The following PLCG2 variants were observed in gnomAD, a reference collection of about 807,000 sequenced individuals.
PLCG2 encodes the protein 1-phosphatidylinositol 4,5-bisphosphate phosphodiesterase gamma-2.
PLCG2 carries 69 observed loss-of-function variants against 175.6 expected under a neutral mutation model. That is an observed-to-expected ratio of 0.39 (90% CI 0.32 to 0.48). The LOEUF is 0.48. Ranked by LOEUF, PLCG2 falls within the 20% of genes least tolerant of loss-of-function variation. The probability of loss-of-function intolerance (pLI) is 0.91; values close to 1 mark genes in which losing one functional copy is unlikely to be tolerated. For synonymous variants in PLCG2, 827 were observed against 624.0 expected, an observed-to-expected ratio of 1.33 and a Z score of -4.85; for missense variants, 1,798 against 1,650.9, an observed-to-expected ratio of 1.09 and a Z score of -1.54.
At chr16:81,747,379 A>G (rs1349549421) in intron 1 of PLCG2, among the ~76,000 whole-genome samples, 1 of 152,120 alleles carries the variant, frequency 6.6e-6, no homozygotes, top group Non-Finnish European at 1.5e-5. Context: ...TACTAAAAAT[A>G]CAGAAACTAG....
chr16:81,956,917 G>C, intron 32 of PLCG2, 38 bp downstream of exon 32: 1 of 1,567,158 alleles, frequency 6.4e-7, no homozygotes, highest in Non-Finnish European at 8.8e-7. Flanking sequence ...CTTTTGGGGG[G>C]TCTCTAGGCA....
At chr16:81,944,070 T>C (rs1472360738) in intron 30 of PLCG2, among the ~76,000 whole-genome samples, 1 of 152,190 alleles carries the variant, frequency 6.6e-6, no homozygotes, top group Non-Finnish European at 1.5e-5. Context: ...AAAATATAAA[T>C]TTGTACATTT....
At chr16:81,879,316 C>G (rs1247312634) in intron 7 of PLCG2, among the ~76,000 whole-genome samples, 1 of 152,142 alleles carries the variant, frequency 6.6e-6, no homozygotes, top group Non-Finnish European at 1.5e-5. Context: ...CATGCCCTGT[C>G]TAAAATCTGC....
rs1230666325 is a variant in PLCG2 at position 81,960,855 on chromosome 16, C to A, written c.*2857C>A. ...CAAGGAATACACAGACTCCAGTACT[C>A]TCAGGGGAGCAGTGTTCAGAGCCTC... On this transcript the variant is annotated 3_prime_UTR_variant, in exon 33 of 33. Transcript: ENST00000564138. 1.7e-5 allele frequency: 4 copies of A among 229,960 alleles called. No individual in the cohort carries two copies. In the East Asian group the frequency reaches 2.5e-4, roughly 14 times the overall value. The allele number at this position is 229,960 out of a possible 1,614,324, so 14.2% of individuals were successfully genotyped here. A position where few individuals can be genotyped will look rare whatever the true frequency, so the allele number is the denominator to read the frequency against.
At chr16:81,761,982 C>A (rs1390931739) in intron 2 of PLCG2, among the ~76,000 whole-genome samples, 1 of 151,872 alleles carries the variant, frequency 6.6e-6, no homozygotes, top group African/African-American at 2.4e-5. Flanking sequence ...CAGGCATGCA[C>A]CACCACGCCC....
At chr16:81,832,887 G>C (rs1905323439) in intron 2 of PLCG2, among the ~76,000 whole-genome samples, 1 of 152,214 alleles carries the variant, frequency 6.6e-6, no homozygotes, top group Non-Finnish European at 1.5e-5. Flanking sequence ...CAGATAGGAA[G>C]GTGTCAGCGT....
chr16:81,780,356 C>G (rs1910674414), intron 1 of PLCG2, among the ~76,000 whole-genome samples: 1 of 152,196 alleles, frequency 6.6e-6, no homozygotes, highest in Admixed American at 6.5e-5. Context: ...ACGAGGTTCG[C>G]TGAGAATCGG....
intron 1 of PLCG2, among the ~76,000 whole-genome samples, chr16:81,752,802 G>A (rs978328770): frequency 1.3e-5 from 2 of 152,226 alleles, no homozygotes; most frequent in African/African-American, 2.4e-5. Context: ...GCCTAGCACT[G>A]GGCACCTCCC....
chr16:81,831,275 G>A (rs961399630), intron 2 of PLCG2, among the ~76,000 whole-genome samples: 1 of 152,182 alleles, frequency 6.6e-6, no homozygotes. Flanking sequence ...ATTCATAGCT[G>A]TATCCCCAGC....
chr16:81,749,232 T>C (rs1361925881), intron 1 of PLCG2, among the ~76,000 whole-genome samples: 1 of 152,212 alleles, frequency 6.6e-6, no homozygotes, highest in Non-Finnish European at 1.5e-5. Flanking sequence ...CCCATCTGGG[T>C]TGCTTTTTAA....
At chr16:81,939,625 C>A (rs533437000) in intron 29 of PLCG2, among the ~76,000 whole-genome samples, 1 of 152,296 alleles carries the variant, frequency 6.6e-6, no homozygotes, top group Admixed American at 6.5e-5. Context: ...TCCCCCGTTC[C>A]CTTGTCCCTG....
At chr16:81,848,122 C>T (rs1444780619) in intron 2 of PLCG2, among the ~76,000 whole-genome samples, 1 of 152,124 alleles carries the variant, frequency 6.6e-6, no homozygotes, top group Non-Finnish European at 1.5e-5. Context: ...GTGATGTTGG[C>T]AGAAGAATAG....
intron 2 of PLCG2, among the ~76,000 whole-genome samples, chr16:81,797,156 A>G (rs952524757): frequency 1.3e-5 from 2 of 152,154 alleles, no homozygotes; most frequent in African/African-American, 4.8e-5. Flanking sequence ...TCAAAATAGC[A>G]CCAAGTTCTG....
intron 3 of PLCG2, among the ~76,000 whole-genome samples, chr16:81,856,274 C>G (rs758234983): frequency 2.0e-5 from 3 of 152,160 alleles, no homozygotes; most frequent in Non-Finnish European, 4.4e-5. Flanking sequence ...GGAGAGGCTT[C>G]ATAGTTCCAT....
intron 2 of PLCG2, among the ~76,000 whole-genome samples, chr16:81,787,454 C>G: frequency 7.8e-6 from 1 of 128,134 alleles, no homozygotes; most frequent in South Asian, 2.4e-4. Flanking sequence ...TCTCCAATTC[C>G]TGTGCTCAAG....
chr16:81,808,358 C>T (rs767777159), intron 2 of PLCG2, among the ~76,000 whole-genome samples: 18 of 152,082 alleles, frequency 1.2e-4, no homozygotes, highest in Admixed American at 2.0e-4. Flanking sequence ...TCAGAATGTC[C>T]AGGGCACCCT....
In PLCG2 at chr16:81,875,027, G is replaced by A. The variant is rs191931570; in HGVS notation, c.648+4092G>A. ...TGCCCAGGCTGGAGTGCAATGGCAC[G>A]ATCTTGATTCACTGCAACCTCTTCC... is the stretch of plus-strand genomic sequence containing the variant. On this transcript the variant is annotated intron_variant, in intron 7 of 32. Transcript: ENST00000564138. 3.4e-3 allele frequency among the ~76,000 whole-genome samples: 476 copies of A among 141,034 alleles called. 4 individuals carry two copies. Among genetic ancestry groups the A allele is most frequent in the African/African-American group, 0.013 (464 of 37,118 alleles). 92.5% of individuals were successfully genotyped at this position (141,034 alleles called of 152,430 possible).
chr16:81,955,787 TG>T (rs1911543125), intron 31 of PLCG2, among the ~76,000 whole-genome samples: 1 of 152,214 alleles, frequency 6.6e-6, no homozygotes, highest in South Asian at 2.1e-4. Context: ...GTCATGTGCC[TG>T]GAGGTTGTAC....
chr16:81,893,878 G>A (rs900725857), intron 12 of PLCG2, 84 bp downstream of exon 12: 1 of 828,020 alleles, frequency 1.2e-6, no homozygotes, highest in Non-Finnish European at 2.0e-6. Context: ...CTTTCGAATT[G>A]TAAAAAGGTT....
Sources: gnomAD v4.1 joint callset for allele counts (sites outside exome capture counted in the v4.1 genomes callset) on GRCh38, gnomAD v4.1.1 for gene constraint, MANE v1.5 for transcripts, NCBI Gene and HGNC (gene_info 2026-07-23, HGNC 2026-07-21) for gene names.